Variants in CD80 observed in about 807,000 individuals in gnomAD.
CD80 encodes the protein T-lymphocyte activation antigen CD80.
A neutral mutation model predicts 27.1 loss-of-function variants in CD80; 13 were observed. The observed-to-expected ratio is 0.48, with a 90% CI of 0.31 to 0.76. CD80 has a LOEUF of 0.76. Ranked by LOEUF, CD80 falls within the 30% of genes least tolerant of loss-of-function variation. The probability of loss-of-function intolerance (pLI) is 0.04; values close to 1 mark genes in which losing one functional copy is unlikely to be tolerated. For synonymous variants in CD80, 125 were observed against 125.5 expected, an observed-to-expected ratio of 1.00 and a Z score of 0.03; for missense variants, 277 against 347.9, an observed-to-expected ratio of 0.80 and a Z score of 1.62.
intron 2 of CD80, among the ~76,000 whole-genome samples, chr3:119,550,425 A>G (rs1197564067): frequency 6.6e-6 from 1 of 152,210 alleles, no homozygotes; most frequent in Non-Finnish European, 1.5e-5. Context: ...GAAGAACAGG[A>G]CTAAAAAGAG....
At position 119,524,330 on chromosome 3, in the gene CD80, G is replaced by C. The variant is rs1350173291; in HGVS notation, c.*1458C>G. 6.6e-6 allele frequency: 1 copy of C among 152,212 alleles called. No homozygotes were observed. Among genetic ancestry groups the C allele is most frequent in the African/African-American group, 2.4e-5 (1 of 41,446 alleles). The allele number at this position is 152,212 out of a possible 1,614,324, so 9.4% of individuals were successfully genotyped here. A position where few individuals can be genotyped will look rare whatever the true frequency, so the allele number is the denominator to read the frequency against. ...CGGTTCAACTTTGTTTCTTCCCTTA[G>C]TATTGCTGACAAAGTATCTGCTGTA... On this transcript the variant is annotated 3_prime_UTR_variant, in exon 7 of 7. Coordinates refer to ENST00000264246, the MANE Select transcript of CD80 (RefSeq NM_005191.4).
At position 119,525,574 on chromosome 3, in the gene CD80, A is replaced by C. The variant is rs7628626; in HGVS notation, c.*214T>G. The C allele has an allele frequency of 0.82, 125,414 of 152,346 alleles. 51,707 individuals carry two copies. The highest frequency in any genetic ancestry group is 0.87 in the East Asian group (4,495 of 5,172). The allele number at this position is 152,346 out of a possible 1,614,324, so 9.4% of individuals were successfully genotyped here. A position where few individuals can be genotyped will look rare whatever the true frequency, so the allele number is the denominator to read the frequency against. On this transcript the variant is annotated 3_prime_UTR_variant, in exon 7 of 7. Coordinates refer to ENST00000264246, the MANE Select transcript of CD80 (RefSeq NM_005191.4). ...ACTCAAGAATTCTGCATTTCAAAAC[A>C]CCTTGATCAAGGTCACCAGAGCTAC...
At chr3:119,547,024 T>C (rs534469926) in intron 2 of CD80, among the ~76,000 whole-genome samples, 1 of 152,296 alleles carries the variant, frequency 6.6e-6, no homozygotes, top group Non-Finnish European at 1.5e-5. Flanking sequence ...ATTCCTCCCC[T>C]TTTCACTTGA....
chr3:119,544,896 T>C (rs373759978), intron 2 of CD80, 29 bp from the exon 3 acceptor site: 32 of 1,571,912 alleles, frequency 2.0e-5, no homozygotes, highest in Middle Eastern at 1.7e-4. Flanking sequence ...AACAAGATTG[T>C]ATATTTATTA....
chr3:119,555,050 A>C (rs1034658164), intron 2 of CD80, among the ~76,000 whole-genome samples: 1 of 152,232 alleles, frequency 6.6e-6, no homozygotes, highest in East Asian at 1.9e-4. Flanking sequence ...TTAGAAATGC[A>C]GAATCTCAGG....
chr3:119,535,235 G>A (rs544721), intron 4 of CD80, among the ~76,000 whole-genome samples: 1,954 of 151,622 alleles, frequency 0.013, 35 homozygotes, highest in African/African-American at 0.043. Context: ...AAGATCTAGA[G>A]TAAATCATAC....
intron 3 of CD80, among the ~76,000 whole-genome samples, chr3:119,543,462 CTT>C (rs34234039): frequency 1.4e-5 from 2 of 143,788 alleles, no homozygotes; most frequent in Non-Finnish European, 1.5e-5. Context: ...CTGTAGTCTA[CTT>C]TTTTTTTTTT....
At chr3:119,550,686 G>C (rs2082226659) in intron 2 of CD80, among the ~76,000 whole-genome samples, 1 of 152,164 alleles carries the variant, frequency 6.6e-6, no homozygotes. Context: ...CTCAAACCTG[G>C]TTGAACTTCT....
intron 2 of CD80, among the ~76,000 whole-genome samples, chr3:119,546,813 A>G (rs1468959973): frequency 8.3e-6 from 1 of 120,832 alleles, no homozygotes; most frequent in Admixed American, 8.4e-5. Flanking sequence ...ACGTGATGCA[A>G]CAACACACAC....
chr3:119,536,321 T>A (rs893022601), intron 4 of CD80, among the ~76,000 whole-genome samples: 6 of 152,090 alleles, frequency 3.9e-5, no homozygotes, highest in Admixed American at 1.3e-4. Flanking sequence ...CTTTATTTTT[T>A]AAATTTATTT....
chr3:119,550,860 T>C (rs1188133376), intron 2 of CD80, among the ~76,000 whole-genome samples: 5 of 152,182 alleles, frequency 3.3e-5, no homozygotes, highest in Admixed American at 3.3e-4. Flanking sequence ...GGTCCCACTT[T>C]GCTCACATCT....
At chr3:119,529,708 G>T in intron 5 of CD80, 134 bp downstream of exon 5, 1 of 637,754 alleles carries the variant, frequency 1.6e-6, no homozygotes, top group South Asian at 1.9e-5. Flanking sequence ...AAGTAAAGGA[G>T]ATGCTCATGT....
intron 2 of CD80, among the ~76,000 whole-genome samples, chr3:119,546,820 A>ACACG (rs1436302461): frequency 1.3e-5 from 2 of 150,748 alleles, no homozygotes; most frequent in Non-Finnish European, 2.9e-5. Context: ...GCAACAACAC[A>ACACG]CACACACACA....
chr3:119,559,251 A>T (rs1007519732), intron 1 of CD80, among the ~76,000 whole-genome samples, 189 bp downstream of exon 1: 4 of 152,146 alleles, frequency 2.6e-5, no homozygotes, highest in African/African-American at 9.7e-5. Flanking sequence ...CACAATTCTC[A>T]CTATGATGCT....
intron 2 of CD80, among the ~76,000 whole-genome samples, chr3:119,552,556 C>A (rs953347948): frequency 1.4e-5 from 2 of 144,854 alleles, no homozygotes; most frequent in African/African-American, 5.1e-5. Context: ...CTCAAGGGCT[C>A]AATCTAGGCC....
intron 2 of CD80, among the ~76,000 whole-genome samples, chr3:119,552,210 C>A (rs71325386): frequency 6.6e-6 from 1 of 152,170 alleles, no homozygotes; most frequent in Non-Finnish European, 1.5e-5. Flanking sequence ...ACCTCTCGGC[C>A]GGGCGTGGTG....
At chr3:119,532,925 C>T (rs191721682) in intron 4 of CD80, among the ~76,000 whole-genome samples, 2 of 152,326 alleles carry the variant, frequency 1.3e-5, no homozygotes, top group Non-Finnish European at 2.9e-5. Context: ...GTACCTACCA[C>T]TTAAAGACAG....
intron 4 of CD80, among the ~76,000 whole-genome samples, chr3:119,532,690 A>G (rs1275032335): frequency 6.6e-6 from 1 of 152,112 alleles, no homozygotes; most frequent in Non-Finnish European, 1.5e-5. Context: ...CTTTGTGCTC[A>G]CTTCCCAGTA....
Position 119,525,455 on chromosome 3 carries a change from G to A in CD80, c.*333C>T, listed in dbSNP as rs568629361. 6.6e-6 allele frequency: 1 copy of A among 152,154 alleles called. No individual in the cohort carries two copies. Among genetic ancestry groups the A allele is most frequent in the South Asian group, 2.1e-4 (1 of 4,826 alleles). The allele number at this position is 152,154 out of a possible 1,614,324, so 9.4% of individuals were successfully genotyped here. A position where few individuals can be genotyped will look rare whatever the true frequency, so the allele number is the denominator to read the frequency against. On this transcript the variant is annotated 3_prime_UTR_variant, in exon 7 of 7. Transcript: ENST00000264246. ...AGAGCACCAGAGTTAGGAAATCTGG[G>A]TTCTGGCGCTGGCCTTTATAATTCG... is the stretch of plus-strand genomic sequence containing the variant.
Sources: allele counts gnomAD v4.1 joint callset (sites outside exome capture counted in the v4.1 genomes callset), GRCh38; gene constraint gnomAD v4.1.1; transcripts MANE v1.5; gene names NCBI Gene and HGNC (gene_info 2026-07-23, HGNC 2026-07-21).